The following ARFGEF2 variants were observed in gnomAD, a reference collection of about 807,000 sequenced individuals.
ARFGEF2 encodes brefeldin A-inhibited guanine nucleotide-exchange protein 2.
A neutral mutation model predicts 219.9 loss-of-function variants in ARFGEF2; 74 were observed. The observed-to-expected ratio is 0.34, with a 90% CI of 0.28 to 0.41. The LOEUF (loss-of-function observed/expected upper bound fraction) is 0.41, where lower values mean the gene tolerates loss of function less well. ARFGEF2 is among the 10% of genes least tolerant of loss of function. The pLI is 1.00. For missense variants in ARFGEF2, 1,743 were observed against 2,218.3 expected (o/e 0.79, Z 4.30); for synonymous variants, 733 against 799.2 (o/e 0.92, Z 1.40).
At position 48,994,446 on chromosome 20, in the gene ARFGEF2, C is replaced by T; in HGVS notation, c.2974-5C>T. On this transcript the variant is annotated splice_region_variant and splice_polypyrimidine_tract_variant and intron_variant, in intron 21 of 38. Transcript: ENST00000371917. ...ACTCATTTCTTCATGCCTTCTTTCT[C>T]TTAGATCTTGAAATGCATCAGCCAG... 1 of 1,613,924 alleles carries T rather than the reference C, an allele frequency of 6.2e-7. No individual in the cohort carries two copies. The highest frequency in any genetic ancestry group is 8.5e-7 in the Non-Finnish European group (1 of 1,180,004).
Position 48,993,774 on chromosome 20 carries a change from G to A in ARFGEF2, c.2974-677G>A, listed in dbSNP as rs139105607. ...GCACCCCTCAGGACCAGGAGATCCAGCCTCATCTCCCACTGCATGCCTGAT... is the reference window on the plus strand; with the variant it reads ...GCACCCCTCAGGACCAGGAGATCCAACCTCATCTCCCACTGCATGCCTGAT... On this transcript the variant is annotated intron_variant, in intron 21 of 38. Coordinates refer to ENST00000371917, the MANE Select transcript of ARFGEF2 (RefSeq NM_006420.3). Among the ~76,000 whole-genome samples, 704 of 152,304 alleles carry A rather than the reference G, an allele frequency of 4.6e-3. 4 individuals are homozygous for A. Among genetic ancestry groups the A allele is most frequent in the Non-Finnish European group, 6.9e-3 (472 of 68,020 alleles).
rs1402971964 is a variant in ARFGEF2 at position 48,963,682 on chromosome 20, A to G, written c.839-148A>G. 9.4e-6 allele frequency: 7 copies of G among 745,160 alleles called. No homozygotes were observed. The East Asian group carries it at 1.9e-4, about 20-fold the overall frequency. The allele number at this position is 745,160 out of a possible 1,614,324, so 46.2% of individuals were successfully genotyped here. A position where few individuals can be genotyped will look rare whatever the true frequency, so the allele number is the denominator to read the frequency against. On this transcript the variant is annotated intron_variant, in intron 6 of 38. Transcript: ENST00000371917. Reference sequence around the variant, plus strand: ...CCAGATTTCAAGGAAGTTGTCCTCCATTGACACAATCAGATTTGGCCTTGG... The same window carrying G: ...CCAGATTTCAAGGAAGTTGTCCTCCGTTGACACAATCAGATTTGGCCTTGG...
At position 48,974,813 on chromosome 20, in the gene ARFGEF2, C is replaced by G; in HGVS notation, c.1713C>G (p.Leu571=). The change falls in exon 13 of 39, where the codon CTC becomes CTG. Residue 571 remains leucine (L), a synonymous_variant. Transcript: ENST00000371917. ...KKGLECLVSI[L]KCMVEWSKDL... is the part of the protein sequence containing the mutation. The stretch of plus-strand genomic sequence containing the variant: ...GCCTGGAGTGCCTCGTGTCCATTCT[C>G]AAGTGCATGGTGGAGTGGAGCAAAG... 6.2e-7 allele frequency: 1 copy of G among 1,614,026 alleles called. No homozygotes were observed. Among genetic ancestry groups the G allele is most frequent in the East Asian group, 2.2e-5 (1 of 44,872 alleles).
At chr20:48,943,869 A>T (rs2091008771) in intron 3 of ARFGEF2, among the ~76,000 whole-genome samples, 1 of 152,214 alleles carries the variant, frequency 6.6e-6, no homozygotes, top group Non-Finnish European at 1.5e-5. Flanking sequence ...CAGATTCTGT[A>T]TTCTGATTGC....
At chr20:48,976,852 A>AT (rs2091265348) in intron 14 of ARFGEF2, among the ~76,000 whole-genome samples, 1 of 151,986 alleles carries the variant, frequency 6.6e-6, no homozygotes, top group African/African-American at 2.4e-5. Flanking sequence ...CCATTGGTGC[A>AT]TTTTTTTCCA....
At chr20:48,935,834 C>T (rs1165782860) in intron 1 of ARFGEF2, among the ~76,000 whole-genome samples, 2 of 128,968 alleles carry the variant, frequency 1.6e-5, no homozygotes, top group Non-Finnish European at 3.3e-5. Context: ...ACCCCCCAAC[C>T]TCCCTCCCGG....
chr20:48,999,757 A>C (rs1276599452), intron 25 of ARFGEF2, among the ~76,000 whole-genome samples: 3 of 151,306 alleles, frequency 2.0e-5, no homozygotes, highest in African/African-American at 7.3e-5. Context: ...AAAAAAAAAA[A>C]AAAAAAAAAA....
chr20:48,923,066 G>C (rs1318869368), intron 1 of ARFGEF2, among the ~76,000 whole-genome samples: 1 of 152,172 alleles, frequency 6.6e-6, no homozygotes, highest in Non-Finnish European at 1.5e-5. Context: ...AGGTGGTCAG[G>C]AAAGTAATCT....
intron 33 of ARFGEF2, among the ~76,000 whole-genome samples, 166 bp from the exon 34 acceptor site, chr20:49,018,718 T>A (rs1205112426): frequency 6.6e-6 from 1 of 152,258 alleles, no homozygotes; most frequent in East Asian, 1.9e-4. Context: ...AATCTCTCCA[T>A]TGCAGCCTGT....
In ARFGEF2 at chr20:48,972,415, G is replaced by A; in HGVS notation, c.1515G>A (p.Arg505=). Residue 505 remains arginine (R), a synonymous_variant, in exon 11 of 39, where the codon AGG becomes AGA. Coordinates refer to ENST00000371917, the MANE Select transcript of ARFGEF2 (RefSeq NM_006420.3). The part of the protein sequence containing the change: ...HRWMVIQTLT[R]ICADAQCVVD... ...GGATGGTCATTCAGACTCTGACGAG[G>A]ATCTGTGCAGGTATTTCCACCTGGG... 3 of 1,613,398 alleles carry A rather than the reference G, an allele frequency of 1.9e-6. No individual in the cohort carries two copies. Among genetic ancestry groups the A allele is most frequent in the Non-Finnish European group, 2.5e-6 (3 of 1,179,384 alleles).
At chr20:48,932,816 G>A (rs188880640) in intron 1 of ARFGEF2, among the ~76,000 whole-genome samples, 1 of 152,176 alleles carries the variant, frequency 6.6e-6, no homozygotes, top group South Asian at 2.1e-4. Flanking sequence ...TCACCAGGCT[G>A]GCTTGGAGTG....
intron 1 of ARFGEF2, among the ~76,000 whole-genome samples, chr20:48,928,774 G>A (rs1411079996): frequency 1.3e-5 from 2 of 152,234 alleles, no homozygotes; most frequent in African/African-American, 4.8e-5. Flanking sequence ...GATTACAGGC[G>A]TGAGCCACTG....
At chr20:48,933,177 C>G (rs2090923767) in intron 1 of ARFGEF2, among the ~76,000 whole-genome samples, 1 of 152,208 alleles carries the variant, frequency 6.6e-6, no homozygotes, top group African/African-American at 2.4e-5. Flanking sequence ...CATTTCCAGC[C>G]TGGAAATTGT....
At chr20:48,951,297 A>G (rs1445043033) in intron 3 of ARFGEF2, 26 bp from the exon 4 acceptor site, 4 of 1,613,538 alleles carry the variant, frequency 2.5e-6, no homozygotes, top group South Asian at 1.1e-5. Flanking sequence ...GCAGAAATGT[A>G]TAATCTCTGT....
chr20:48,952,158 T>C (rs1464165112), intron 4 of ARFGEF2, among the ~76,000 whole-genome samples: 1 of 136,670 alleles, frequency 7.3e-6, no homozygotes, highest in Non-Finnish European at 1.6e-5. Flanking sequence ...CTTTTTTTTT[T>C]TTTTTTTTTT....
intron 25 of ARFGEF2, among the ~76,000 whole-genome samples, chr20:49,001,910 T>C (rs1295045578): frequency 6.6e-6 from 1 of 152,240 alleles, no homozygotes; most frequent in Non-Finnish European, 1.5e-5. Context: ...TTTAACCATG[T>C]TAGCATATGT....
chr20:49,010,338 C>A lies in ARFGEF2; in HGVS notation c.3691C>A (p.Gln1231Lys). The A allele has an allele frequency of 6.2e-7, 1 of 1,614,194 alleles. No individual in the cohort carries two copies. The highest frequency in any genetic ancestry group is 8.5e-7 in the Non-Finnish European group (1 of 1,180,040). Residue 1231 changes from glutamine to lysine, a missense_variant, in exon 27 of 39, where the codon CAG becomes AAG. Coordinates refer to ENST00000371917, the MANE Select transcript of ARFGEF2 (RefSeq NM_006420.3). ...GWKNIFAVFH[Q>K]AASDHDGNIV... The stretch of plus-strand genomic sequence containing the variant: ...GAAGAACATCTTTGCCGTGTTCCAC[C>A]AGGCAGCCTCTGATCATGATGGGAA...
intron 14 of ARFGEF2, among the ~76,000 whole-genome samples, chr20:48,983,912 T>C (rs1056145114): frequency 8.5e-5 from 13 of 152,060 alleles, no homozygotes; most frequent in Admixed American, 7.2e-4. Flanking sequence ...TTGCCTTCCT[T>C]TAGCAGGAAA....
intron 14 of ARFGEF2, among the ~76,000 whole-genome samples, chr20:48,984,042 TAA>T (rs573508007): frequency 8.5e-5 from 12 of 140,440 alleles, no homozygotes; most frequent in Admixed American, 7.2e-5. Flanking sequence ...CCCTGTCTCT[TAA>T]AAAAAAAAAA....
Sources: gnomAD v4.1 joint callset for allele counts (sites outside exome capture counted in the v4.1 genomes callset) on GRCh38, gnomAD v4.1.1 for gene constraint, MANE v1.5 for transcripts, NCBI Gene and HGNC (gene_info 2026-07-23, HGNC 2026-07-21) for gene names.